The following TXK variants were observed in gnomAD, a reference collection of about 807,000 sequenced individuals.
TXK encodes TXK tyrosine kinase, also known as tyrosine-protein kinase TXK.
TXK carries 60 observed loss-of-function variants against 81.0 expected under a neutral mutation model. The ratio of observed to expected loss-of-function variants is 0.74; its 90% CI spans 0.60 to 0.92. TXK has a LOEUF of 0.92. TXK is among the 40% of genes least tolerant of loss of function. The pLI is 0.00. For synonymous variants in TXK, 203 were observed against 210.7 expected (o/e 0.96, Z 0.32); for missense variants, 581 against 638.3 (o/e 0.91, Z 0.97).
chr4:48,126,836 T>C (rs1170841878), intron 1 of TXK, among the ~76,000 whole-genome samples: 2 of 152,174 alleles, frequency 1.3e-5, no homozygotes, highest in African/African-American at 4.8e-5. Flanking sequence ...ATTGCTGTTA[T>C]CAGTCAGCAG....
chr4:48,068,700 G>A (rs1398003368), intron 14 of TXK, among the ~76,000 whole-genome samples: 1 of 152,196 alleles, frequency 6.6e-6, no homozygotes, highest in African/African-American at 2.4e-5. Context: ...CCAAGAGGAA[G>A]AAGAGATGGC....
At chr4:48,071,823 C>G in intron 13 of TXK, 149 bp from the exon 14 acceptor site, 1 of 837,254 alleles carries the variant, frequency 1.2e-6, no homozygotes, top group South Asian at 1.8e-5. Flanking sequence ...GTCAAGGAAG[C>G]AAATCATGTT....
intron 5 of TXK, among the ~76,000 whole-genome samples, chr4:48,107,964 A>T (rs887495417): frequency 6.6e-6 from 1 of 151,230 alleles, no homozygotes; most frequent in Non-Finnish European, 1.5e-5. Context: ...CCAGCTACTC[A>T]GGAGGCTGAG....
intron 8 of TXK, among the ~76,000 whole-genome samples, chr4:48,091,901 G>C (rs962052813): frequency 6.6e-6 from 1 of 152,236 alleles, no homozygotes; most frequent in Non-Finnish European, 1.5e-5. Context: ...GGCTACTGCA[G>C]TTGTCCAAGT....
chr4:48,106,047 A>G (rs527275506), intron 5 of TXK: 58 of 152,330 alleles, frequency 3.8e-4, no homozygotes, highest in African/African-American at 1.3e-3. Flanking sequence ...GAGAAAGGAA[A>G]ACTGAAAGGC....
At position 48,089,751 on chromosome 4, in the gene TXK, G is replaced by A. The variant is rs17470585; in HGVS notation, c.783C>T (p.Tyr261=). The A allele has an allele frequency of 0.021, 34,593 of 1,612,314 alleles. 463 individuals are homozygous for A. The highest frequency in any genetic ancestry group is 0.039 in the Middle Eastern group (234 of 6,052). Residue 261 remains tyrosine (Y), a splice_region_variant and synonymous_variant, in exon 9 of 15, where the codon TAC becomes TAT. Coordinates refer to ENST00000264316, the MANE Select transcript of TXK (RefSeq NM_003328.3). ...SCLPATAGFS[Y]EKWEIDPSEL... is the part of the protein sequence containing the mutation. ...CTTCAGCATGTGTGCACACTTTACC[G>A]TAGCTAAACCCAGCTGTGGCTGGTA...
chr4:48,083,865 A>G (rs981789882), intron 10 of TXK, among the ~76,000 whole-genome samples: 1 of 152,228 alleles, frequency 6.6e-6, no homozygotes, highest in African/African-American at 2.4e-5. Flanking sequence ...GCGATACAAC[A>G]GAAAGCATTT....
Position 48,122,837 on chromosome 4 carries a change from G to A in TXK, c.17-8435C>T, listed in dbSNP as rs529351478. 7.2e-5 allele frequency among the ~76,000 whole-genome samples: 11 copies of A among 152,348 alleles called. No homozygotes were observed. In the South Asian group the frequency reaches 1.7e-3, roughly 23 times the overall value. ...GGAACAGAACAAGCAGGTTCAATCC[G>A]AAGTGGTGAACAGTGTGACCAGAGA... On this transcript the variant is annotated intron_variant, in intron 1 of 14. Transcript: ENST00000264316.
intron 4 of TXK, 75 bp from the exon 5 acceptor site, chr4:48,110,678 A>C: frequency 1.9e-6 from 2 of 1,079,236 alleles, no homozygotes; most frequent in Non-Finnish European, 2.8e-6. Context: ...ATCCTTTTAA[A>C]ACCTCAAGGA....
chr4:48,117,466 T>A (rs1718843785), intron 1 of TXK, among the ~76,000 whole-genome samples: 2 of 152,240 alleles, frequency 1.3e-5, no homozygotes, highest in South Asian at 4.1e-4. Flanking sequence ...TTAATCAGGA[T>A]AATCACCCCA....
chr4:48,075,226 A>C (rs148712262), intron 12 of TXK, among the ~76,000 whole-genome samples: 48 of 152,322 alleles, frequency 3.2e-4, no homozygotes, highest in African/African-American at 1.2e-3. Context: ...GGTGGGATTT[A>C]AAAGTGACAC....
At chr4:48,099,516 A>G (rs566073520) in intron 6 of TXK, among the ~76,000 whole-genome samples, 124 of 152,320 alleles carry the variant, frequency 8.1e-4, no homozygotes, top group African/African-American at 2.8e-3. Flanking sequence ...TCCCAAATTA[A>G]TCTGTACATT....
intron 9 of TXK, among the ~76,000 whole-genome samples, chr4:48,088,564 C>G (rs1166371853): frequency 6.6e-6 from 1 of 152,134 alleles, no homozygotes; most frequent in Non-Finnish European, 1.5e-5. Context: ...AAGCCAGACA[C>G]AAAAAACTGC....
chr4:48,120,083 AC>A (rs1718907447), intron 1 of TXK, among the ~76,000 whole-genome samples: 1 of 151,288 alleles, frequency 6.6e-6, no homozygotes, highest in African/African-American at 2.4e-5. Context: ...ATATATACAC[AC>A]ACACACACGT....
chr4:48,086,670 A>C (rs1717544548), intron 9 of TXK, 33 bp from the exon 10 acceptor site: 1 of 1,588,826 alleles, frequency 6.3e-7, no homozygotes, highest in African/African-American at 1.3e-5. Context: ...TTACAAGTAG[A>C]AAGAAAGACT....
At chr4:48,081,716 C>G (rs987978954) in intron 10 of TXK, among the ~76,000 whole-genome samples, 2 of 152,084 alleles carry the variant, frequency 1.3e-5, no homozygotes, top group African/African-American at 2.4e-5. Flanking sequence ...TGACCTTTTT[C>G]CTGAACCCCA....
At chr4:48,083,331 C>T (rs1717383231) in intron 10 of TXK, among the ~76,000 whole-genome samples, 1 of 152,250 alleles carries the variant, frequency 6.6e-6, no homozygotes, top group Non-Finnish European at 1.5e-5. Flanking sequence ...GGCCAGAAAA[C>T]TTTCCTGTTT....
At position 48,095,596 on chromosome 4, in the gene TXK, G is replaced by A. The variant is rs141312372; in HGVS notation, c.502-374C>T. On this transcript the variant is annotated intron_variant, in intron 6 of 14. Coordinates refer to ENST00000264316, the MANE Select transcript of TXK (RefSeq NM_003328.3). ...GGAAGAACACTAAGACAGACTGACC[G>A]GATTGTACTTTGGAAGAAGAGCAAC... is the stretch of plus-strand genomic sequence containing the variant. Among the ~76,000 whole-genome samples, 650 of 152,186 alleles carry A rather than the reference G, an allele frequency of 4.3e-3. 5 individuals are homozygous for A. The highest frequency in any genetic ancestry group is 0.015 in the African/African-American group (631 of 41,522).
At position 48,134,207 on chromosome 4, in the gene TXK, A is replaced by C. The variant is rs770375499; in HGVS notation, c.-37T>G. 2 of 1,611,572 alleles carry C rather than the reference A, an allele frequency of 1.2e-6. No individual in the cohort carries two copies. The highest frequency in any genetic ancestry group is 1.7e-6 in the Non-Finnish European group (2 of 1,178,912). On this transcript the variant is annotated 5_prime_UTR_variant, in exon 1 of 15. Coordinates refer to ENST00000264316, the MANE Select transcript of TXK (RefSeq NM_003328.3). Reference sequence around the variant, plus strand: ...CTGCGGGGAGCACACAACAGTCTTCAGTTCTTCTGCGGTGCTCTACTCACA... The same window carrying C: ...CTGCGGGGAGCACACAACAGTCTTCCGTTCTTCTGCGGTGCTCTACTCACA...
Sources: allele counts gnomAD v4.1 joint callset (sites outside exome capture counted in the v4.1 genomes callset), GRCh38; gene constraint gnomAD v4.1.1; transcripts MANE v1.5; gene names NCBI Gene and HGNC (gene_info 2026-07-23, HGNC 2026-07-21).